LUZP1: variants seen among roughly 807,000 people sequenced by gnomAD.
LUZP1 encodes filamin mechanobinding actin cross-linking protein.
In LUZP1, 25 loss-of-function variants were observed where a neutral mutation model predicts 71.3. That is an observed-to-expected ratio of 0.35 (90% CI 0.26 to 0.49). LUZP1 has a LOEUF of 0.49. LUZP1 is among the 20% of genes least tolerant of loss of function. The pLI is 0.99. For synonymous variants in LUZP1, 481 were observed against 506.4 expected, an observed-to-expected ratio of 0.95 and a Z score of 0.67; for missense variants, 1,142 against 1,300.8, an observed-to-expected ratio of 0.88 and a Z score of 1.88.
chr1:23,112,271 A>G (rs1000798373), intron 2 of LUZP1, among the ~76,000 whole-genome samples: 2 of 152,208 alleles, frequency 1.3e-5, no homozygotes, highest in Admixed American at 6.5e-5. Context: ...AGAGCTTTCC[A>G]CCATGACAGA....
intron 2 of LUZP1, among the ~76,000 whole-genome samples, chr1:23,118,074 A>G (rs779304903): frequency 3.9e-5 from 6 of 152,024 alleles, no homozygotes; most frequent in Admixed American, 3.9e-4. Context: ...TGGGCGACAG[A>G]GCGAGACTCC....
At chr1:23,110,971 G>T (rs1389965538) in intron 2 of LUZP1, among the ~76,000 whole-genome samples, 2 of 149,982 alleles carry the variant, frequency 1.3e-5, no homozygotes, top group African/African-American at 2.5e-5. Context: ...CGGCCAAGGC[G>T]GGCAGATCAC....
intron 1 of LUZP1, among the ~76,000 whole-genome samples, chr1:23,169,655 A>G (rs1225515148): frequency 2.6e-5 from 4 of 152,172 alleles, no homozygotes; most frequent in Admixed American, 2.0e-4. Flanking sequence ...CCATACTTCT[A>G]TGACATACTT....
chr1:23,090,882 G>A (rs535727488), intron 4 of LUZP1: 1 of 717,814 alleles, frequency 1.4e-6, no homozygotes, highest in African/African-American at 1.7e-5. Context: ...GGCCTACGGG[G>A]AGCTCCTTTA....
intron 3 of LUZP1, among the ~76,000 whole-genome samples, chr1:23,105,493 G>C (rs1643973114): frequency 6.6e-6 from 1 of 152,194 alleles, no homozygotes; most frequent in African/African-American, 2.4e-5. Context: ...CCTTGGATAA[G>C]TCATTTGAAT....
rs1439931117 is a variant in LUZP1, at chr1:23,153,977, T to C, written c.-226+14789A>G. Among the ~76,000 whole-genome samples the C allele has an allele frequency of 2.6e-5, 4 of 152,016 alleles. No individual in the cohort carries two copies. The East Asian group carries it at 7.7e-4, about 29-fold the overall frequency. ...AACAAACTATAATACATCTATACAA[T>C]AGAATACTACTCAGCAATGTAAAGG... On this transcript the variant is annotated intron_variant, in intron 2 of 4. Coordinates refer to ENST00000302291, the Ensembl canonical transcript of LUZP1.
chr1:23,134,739 GGCCACTATACTCCA>G (rs1303616774), intron 2 of LUZP1, among the ~76,000 whole-genome samples: 3 of 152,092 alleles, frequency 2.0e-5, no homozygotes, highest in Non-Finnish European at 4.4e-5. Flanking sequence ...GCCATGATCA[GGCCACTATACTCCA>G]GCCTGGGGGA....
chr1:23,091,736 A>C, exon 4 of LUZP1: 1 of 1,614,050 alleles, frequency 6.2e-7, no homozygotes, highest in Non-Finnish European at 8.5e-7. Flanking sequence ...TGGAGAGCTC[A>C]AAAGGGGAGC....
intron 2 of LUZP1, among the ~76,000 whole-genome samples, chr1:23,158,005 C>T (rs1644433889): frequency 6.6e-6 from 1 of 151,888 alleles, no homozygotes; most frequent in African/African-American, 2.4e-5. Context: ...GAATGAGAAC[C>T]TGTCTCTTTA....
intron 2 of LUZP1, among the ~76,000 whole-genome samples, chr1:23,149,701 G>A (rs971452317): frequency 3.9e-5 from 6 of 152,082 alleles, no homozygotes; most frequent in African/African-American, 9.7e-5. Flanking sequence ...AGGGCCGGGC[G>A]TGGTGGTTCA....
chr1:23,086,148 A>G (rs891336320), exon 5 of LUZP1: 6 of 152,406 alleles, frequency 3.9e-5, no homozygotes, highest in Non-Finnish European at 7.4e-5. Flanking sequence ...GGGTCCAAAC[A>G]GTCACACCTC....
chr1:23,166,839 G>T (rs1644513722), intron 2 of LUZP1, among the ~76,000 whole-genome samples: 1 of 151,964 alleles, frequency 6.6e-6, no homozygotes. Flanking sequence ...ATCAACGAAG[G>T]CTAATTAACA....
intron 2 of LUZP1, among the ~76,000 whole-genome samples, chr1:23,118,627 ACAGTGGGTCTACCTTTGGC>A (rs1393293969): frequency 6.6e-6 from 1 of 152,238 alleles, no homozygotes; most frequent in Non-Finnish European, 1.5e-5. Flanking sequence ...TGTCATAGGT[ACAGTGGGTCTACCTTTGGC>A]CAGTTTAGGT....
At chr1:23,175,233 A>C (rs1644575659) in intron 1 of LUZP1, among the ~76,000 whole-genome samples, 2 of 152,132 alleles carry the variant, frequency 1.3e-5, no homozygotes, top group Non-Finnish European at 2.9e-5. Context: ...CTGTATTCCA[A>C]AGCAAATAAG....
chr1:23,093,465 T>A lies in LUZP1; in HGVS notation c.797A>T (p.Gln266Leu). 1 of 1,612,374 alleles carries A rather than the reference T, an allele frequency of 6.2e-7. No individual in the cohort carries two copies. The highest frequency in any genetic ancestry group is 8.5e-7 in the Non-Finnish European group (1 of 1,179,642). Residue 266 changes from glutamine to leucine, a missense_variant, in exon 4 of 5, where the codon CAG becomes CTG. Transcript: ENST00000302291. This position sits in a 1 kb window ranked among gnomAD's most constrained non-coding sequence, Gnocchi z 4.2. Reference sequence around the variant, plus strand: ...TTTGTTTCTTGTTTCATTCTCTACCTGCTTTAGGTAGTCCAGACCACCCTT... The same window carrying A: ...TTTGTTTCTTGTTTCATTCTCTACCAGCTTTAGGTAGTCCAGACCACCCTT...
intron 1 of LUZP1, among the ~76,000 whole-genome samples, chr1:23,169,245 A>C (rs1304883872): frequency 6.6e-6 from 1 of 152,084 alleles, no homozygotes; most frequent in Non-Finnish European, 1.5e-5. Context: ...GGTAAGCTAA[A>C]GTAGGAGGAT....
intron 2 of LUZP1, among the ~76,000 whole-genome samples, chr1:23,128,049 T>G (rs61780498): frequency 0.15 from 23,276 of 151,924 alleles, 2,116 homozygotes; most frequent in South Asian, 0.32. Flanking sequence ...GAGAATCGCT[T>G]GAACCTGGGA....
intron 2 of LUZP1, among the ~76,000 whole-genome samples, chr1:23,135,820 A>C (rs983314359): frequency 6.6e-6 from 1 of 152,238 alleles, no homozygotes; most frequent in Non-Finnish European, 1.5e-5. Context: ...GATGCTATAA[A>C]TTATTAGGGA....
chr1:23,163,007 C>T (rs1265490285), intron 2 of LUZP1, among the ~76,000 whole-genome samples: 1 of 151,798 alleles, frequency 6.6e-6, no homozygotes, highest in African/African-American at 2.4e-5. Flanking sequence ...TTTTGGAGGC[C>T]GAGGCAGGCG....
Sources: allele counts gnomAD v4.1 joint callset (sites outside exome capture counted in the v4.1 genomes callset), GRCh38; gene constraint gnomAD v4.1.1; non-coding constraint Gnocchi (gnomAD v3.1); transcripts MANE v1.5; gene names NCBI Gene and HGNC (gene_info 2026-07-23, HGNC 2026-07-21).